Variants in ZNHIT6 observed in about 807,000 individuals in gnomAD.
The protein encoded by ZNHIT6 is box C/D snoRNA protein 1.
A neutral mutation model predicts 57.2 loss-of-function variants in ZNHIT6; 45 were observed. The observed-to-expected ratio is 0.79, with a 90% CI of 0.62 to 1.01. The LOEUF is 1.01. Ranked by LOEUF, ZNHIT6 falls within the 50% of genes least tolerant of loss-of-function variation. ZNHIT6 has a pLI of 0.00. For synonymous variants in ZNHIT6, 188 were observed against 190.0 expected, an observed-to-expected ratio of 0.99 and a Z score of 0.09; for missense variants, 528 against 567.3, an observed-to-expected ratio of 0.93 and a Z score of 0.70.
chr1:85,699,048 T>C (rs1042166962), intron 5 of ZNHIT6, among the ~76,000 whole-genome samples: 2 of 152,132 alleles, frequency 1.3e-5, no homozygotes, highest in African/African-American at 4.8e-5. Flanking sequence ...AATCAAATAG[T>C]AGAGACAACA....
rs184659693 is a variant in ZNHIT6, at chr1:85,652,478, T to C, written c.*1580A>G. On this transcript the variant is annotated 3_prime_UTR_variant, in exon 10 of 10. Transcript: ENST00000370574. ...TTTAGAGATTATAAATATATATGTA[T>C]GTATGTTTCTCAAGTTGCAAGGACT... The C allele has an allele frequency of 7.2e-5, 11 of 152,304 alleles. No homozygotes were observed. In the East Asian group the frequency reaches 2.1e-3, roughly 29 times the overall value. The allele number at this position is 152,304 out of a possible 1,614,324, so 9.4% of individuals were successfully genotyped here. A position where few individuals can be genotyped will look rare whatever the true frequency, so the allele number is the denominator to read the frequency against.
intron 9 of ZNHIT6, among the ~76,000 whole-genome samples, chr1:85,656,194 TG>T (rs1661057670): frequency 6.6e-6 from 1 of 152,162 alleles, no homozygotes; most frequent in Non-Finnish European, 1.5e-5. Context: ...CAGGAAGACC[TG>T]GGCATTACTT....
At chr1:85,694,220 T>C (rs1237494513) in intron 5 of ZNHIT6, among the ~76,000 whole-genome samples, 1 of 152,224 alleles carries the variant, frequency 6.6e-6, no homozygotes, top group Non-Finnish European at 1.5e-5. Context: ...TTTCATTACG[T>C]GTAAATTTTA....
rs1661108784 is a variant in ZNHIT6 at position 85,657,988 on chromosome 1, A to C, written c.1248-17T>G. On this transcript the variant is annotated splice_polypyrimidine_tract_variant and intron_variant, in intron 8 of 9. Transcript: ENST00000370574. ...TCATAATATCTTATTAATAAAAAAA[A>C]ACAAAAAACCAGGAAACACTCTTAA... 2 of 1,414,364 alleles carry C rather than the reference A, an allele frequency of 1.4e-6. No individual in the cohort carries two copies. The highest frequency in any genetic ancestry group is 1.9e-6 in the Non-Finnish European group (2 of 1,043,250). The allele number at this position is 1,414,364 out of a possible 1,614,324, so 87.6% of individuals were successfully genotyped here. A position where few individuals can be genotyped will look rare whatever the true frequency, so the allele number is the denominator to read the frequency against.
chr1:85,683,524 G>GAAA (rs1200395551), intron 5 of ZNHIT6, among the ~76,000 whole-genome samples: 4 of 124,330 alleles, frequency 3.2e-5, no homozygotes, highest in South Asian at 2.5e-4. Context: ...TTCCGTCACA[G>GAAA]AAAAAAAAAA....
At chr1:85,657,735 G>A in intron 9 of ZNHIT6, 112 bp downstream of exon 9, 1 of 1,027,602 alleles carries the variant, frequency 9.7e-7, no homozygotes, top group Non-Finnish European at 1.4e-6. Context: ...AGTAGATCCT[G>A]TAAGTGTGTA....
chr1:85,661,098 A>G (rs902374073), intron 8 of ZNHIT6, among the ~76,000 whole-genome samples: 1 of 152,242 alleles, frequency 6.6e-6, no homozygotes, highest in Admixed American at 6.5e-5. Context: ...ATCTACCATT[A>G]ATATTTATCA....
intron 9 of ZNHIT6, 37 bp from the exon 10 acceptor site, chr1:85,654,135 A>G: frequency 6.3e-7 from 1 of 1,590,768 alleles, no homozygotes; most frequent in South Asian, 1.1e-5. Flanking sequence ...TCAAGTGTTT[A>G]TATTTTTCTG....
At chr1:85,700,284 C>G (rs1165833242) in intron 5 of ZNHIT6, among the ~76,000 whole-genome samples, 1 of 152,180 alleles carries the variant, frequency 6.6e-6, no homozygotes, top group Non-Finnish European at 1.5e-5. Flanking sequence ...AGGTAGCTAT[C>G]ATGAGCTCCA....
chr1:85,657,558 A>T (rs1420213799), intron 9 of ZNHIT6, among the ~76,000 whole-genome samples: 2 of 151,696 alleles, frequency 1.3e-5, no homozygotes, highest in South Asian at 2.1e-4. Context: ...CTATTAGCTT[A>T]AAAAAAGACA....
In ZNHIT6 at chr1:85,651,016, A is replaced by G. The variant is rs1191254300; in HGVS notation, c.*3042T>C. 1 of 152,202 alleles carries G rather than the reference A, an allele frequency of 6.6e-6. No individual in the cohort carries two copies. Among genetic ancestry groups the G allele is most frequent in the African/African-American group, 2.4e-5 (1 of 41,444 alleles). 9.4% of individuals were successfully genotyped at this position (152,202 alleles called of 1,614,324 possible). Reference sequence around the variant, plus strand: ...ACAGTATATGATTAAATAAAAATAGACCAGCATCTTTATGTAAAATTTAGT... The same window carrying G: ...ACAGTATATGATTAAATAAAAATAGGCCAGCATCTTTATGTAAAATTTAGT... On this transcript the variant is annotated 3_prime_UTR_variant, in exon 10 of 10. Coordinates refer to ENST00000370574, the MANE Select transcript of ZNHIT6 (RefSeq NM_017953.4).
At chr1:85,692,982 C>T (rs1662260491) in intron 5 of ZNHIT6, among the ~76,000 whole-genome samples, 1 of 152,040 alleles carries the variant, frequency 6.6e-6, no homozygotes, top group African/African-American at 2.4e-5. Flanking sequence ...AATAGGCGCA[C>T]CTCTATTATC....
At position 85,653,125 on chromosome 1, in the gene ZNHIT6, TAA is replaced by T. The variant is rs1660959109; in HGVS notation, c.*931_*932del. 1 of 152,290 alleles carries T rather than the reference TAA, an allele frequency of 6.6e-6. No homozygotes were observed. Among genetic ancestry groups the T allele is most frequent in the African/African-American group, 2.4e-5 (1 of 41,576 alleles). The allele number at this position is 152,290 out of a possible 1,614,324, so 9.4% of individuals were successfully genotyped here. ...AATGTGATGAAAGGCACAGAATTCA[TAA>T]GACTTGAGTAAGTAGATCCAAATTT... On this transcript the variant is annotated 3_prime_UTR_variant, in exon 10 of 10. Transcript: ENST00000370574.
At chr1:85,668,766 A>C (rs1661458964) in intron 8 of ZNHIT6, among the ~76,000 whole-genome samples, 1 of 152,210 alleles carries the variant, frequency 6.6e-6, no homozygotes, top group South Asian at 2.1e-4. Flanking sequence ...TTAAGGAGGT[A>C]AAATGTGATT....
chr1:85,679,563 G>GTTTTTTTTTTTTTTTTTTTTTTT (rs35523771), intron 6 of ZNHIT6, among the ~76,000 whole-genome samples: 1 of 135,274 alleles, frequency 7.4e-6, no homozygotes, highest in African/African-American at 2.7e-5. Context: ...ACATTAAAAT[G>GTTTTTTTTTTTTTTTTTTTTTTT]TTTTTTTTTT....
chr1:85,705,584 A>T (rs1775985), intron 4 of ZNHIT6, among the ~76,000 whole-genome samples: 1 of 152,122 alleles, frequency 6.6e-6, no homozygotes, highest in Non-Finnish European at 1.5e-5. Flanking sequence ...GTTACCTTGC[A>T]AATCTTTTAA....
Position 85,706,092 on chromosome 1 carries a change from T to A in ZNHIT6, c.901A>T (p.Ile301Leu). The A allele has an allele frequency of 6.2e-7, 1 of 1,613,124 alleles. No homozygotes were observed. The highest frequency in any genetic ancestry group is 1.7e-4 in the Middle Eastern group (1 of 6,060). Reference sequence around the variant, plus strand: ...AAAAATCTTACATATTTATTGCTTATTGGTCTCTTCAAAAAAGCATCTCTA... The same window carrying A: ...AAAAATCTTACATATTTATTGCTTAATGGTCTCTTCAAAAAAGCATCTCTA... Reference protein sequence around the residue: ...ISRDAFLKRPISNKYMYFMKN... With the variant: ...ISRDAFLKRPLSNKYMYFMKN... Residue 301 changes from isoleucine to leucine, a missense_variant, in exon 4 of 10, where the codon ATA becomes TTA. Ile to Leu is a conservative substitution (Grantham distance 5). Transcript: ENST00000370574.
intron 5 of ZNHIT6, among the ~76,000 whole-genome samples, chr1:85,692,962 G>A (rs548318297): frequency 3.0e-4 from 45 of 152,254 alleles, no homozygotes; most frequent in Middle Eastern, 3.4e-3. Context: ...TAAATATTAA[G>A]TTGTTTAGTA....
intron 8 of ZNHIT6, among the ~76,000 whole-genome samples, chr1:85,662,483 A>G (rs747025413): frequency 7.2e-6 from 1 of 137,962 alleles, no homozygotes; most frequent in Non-Finnish European, 1.6e-5. Context: ...TTCTAGATTA[A>G]AAGTTCAACT....
Sources: allele counts gnomAD v4.1 joint callset (sites outside exome capture counted in the v4.1 genomes callset), GRCh38; gene constraint gnomAD v4.1.1; transcripts MANE v1.5; gene names NCBI Gene and HGNC (gene_info 2026-07-23, HGNC 2026-07-21).